PDE4D: variants seen among roughly 807,000 people sequenced by gnomAD.
The protein encoded by PDE4D is 3',5'-cyclic-AMP phosphodiesterase 4D.
Under a neutral mutation model 87.4 loss-of-function variants are expected in PDE4D, and 24 were observed. That is an observed-to-expected ratio of 0.27 (90% CI 0.20 to 0.39). The LOEUF is 0.39. Among genes scored for constraint, PDE4D ranks in the 10% least tolerant of loss-of-function variants. The pLI is 1.00. For missense variants in PDE4D, 714 were observed against 1,041.0 expected (o/e 0.69, Z 4.32); for synonymous variants, 384 against 383.2 (o/e 1.00, Z -0.02).
chr5:59,240,790 A>T (rs1211817471), intron 1 of PDE4D, among the ~76,000 whole-genome samples: 1 of 64,818 alleles, frequency 1.5e-5, no homozygotes, highest in Non-Finnish European at 3.2e-5. Context: ...ACACACACAC[A>T]CACACACACA....
At chr5:59,437,424 C>T (rs1796940406) in intron 1 of PDE4D, among the ~76,000 whole-genome samples, 1 of 152,086 alleles carries the variant, frequency 6.6e-6, no homozygotes, top group African/African-American at 2.4e-5. Flanking sequence ...ACAGTAGGAA[C>T]CAGTGGAAAG....
intron 1 of PDE4D, among the ~76,000 whole-genome samples, chr5:60,422,120 G>T (rs1190220156): frequency 6.6e-6 from 1 of 152,160 alleles, no homozygotes; most frequent in Admixed American, 6.5e-5. Flanking sequence ...AAAACACTCT[G>T]GAGGATATTA....
chr5:59,385,421 T>A (rs1786773488), intron 1 of PDE4D, among the ~76,000 whole-genome samples: 1 of 152,200 alleles, frequency 6.6e-6, no homozygotes, highest in Admixed American at 6.5e-5. Context: ...GAAATGTAAA[T>A]TCCTTCAAAA....
chr5:59,565,602 G>C (rs1820743257), intron 1 of PDE4D, among the ~76,000 whole-genome samples: 1 of 152,238 alleles, frequency 6.6e-6, no homozygotes, highest in Non-Finnish European at 1.5e-5. Flanking sequence ...AGCATCACTG[G>C]GAGGTGTGGG....
At chr5:60,197,034 T>C (rs745546052) in intron 1 of PDE4D, among the ~76,000 whole-genome samples, 4 of 86,778 alleles carry the variant, frequency 4.6e-5, no homozygotes, top group Non-Finnish European at 9.0e-5. Context: ...GATAGATAGA[T>C]AGATAGATAG....
At chr5:60,441,916 C>T (rs1213607545) in intron 1 of PDE4D, among the ~76,000 whole-genome samples, 2 of 151,788 alleles carry the variant, frequency 1.3e-5, no homozygotes, top group Non-Finnish European at 2.9e-5. Context: ...ATTAGAATAG[C>T]AATCATTAAA....
intron 1 of PDE4D, among the ~76,000 whole-genome samples, chr5:59,694,697 G>A (rs566200286): frequency 2.6e-5 from 4 of 152,130 alleles, no homozygotes; most frequent in Non-Finnish European, 5.9e-5. Flanking sequence ...CTGGAAGAGC[G>A]TGGGAGCTGC....
At chr5:59,222,124 G>T (rs1227495187) in intron 1 of PDE4D, among the ~76,000 whole-genome samples, 2 of 152,082 alleles carry the variant, frequency 1.3e-5, no homozygotes, top group African/African-American at 2.4e-5. Context: ...ACAAACTGAC[G>T]AATGAACTAA....
At chr5:59,836,769 AAG>A (rs1421582248) in intron 1 of PDE4D, among the ~76,000 whole-genome samples, 40 of 152,062 alleles carry the variant, frequency 2.6e-4, no homozygotes, top group African/African-American at 9.2e-4. Context: ...TAGAGGGAGA[AAG>A]AACAGGAGAG....
intron 2 of PDE4D, among the ~76,000 whole-genome samples, chr5:59,195,468 T>A (rs1745266505): frequency 6.6e-6 from 1 of 152,066 alleles, no homozygotes; most frequent in Admixed American, 6.5e-5. Flanking sequence ...AACGAGAAGC[T>A]CGGTGATTCT....
At chr5:59,007,767 G>T (rs1274553561) in intron 6 of PDE4D, among the ~76,000 whole-genome samples, 2 of 151,958 alleles carry the variant, frequency 1.3e-5, no homozygotes, top group African/African-American at 4.8e-5. Flanking sequence ...ACTCCAGGCT[G>T]CTTTTTTAAA....
intron 1 of PDE4D, among the ~76,000 whole-genome samples, chr5:59,687,838 GAC>G (rs1467933429): frequency 6.6e-6 from 1 of 152,044 alleles, no homozygotes; most frequent in Non-Finnish European, 1.5e-5. Flanking sequence ...CACGTGCAGA[GAC>G]ACACACAGGC....
At chr5:60,175,959 C>T (rs1783867273) in intron 2 of PDE4D, among the ~76,000 whole-genome samples, 1 of 152,160 alleles carries the variant, frequency 6.6e-6, no homozygotes, top group African/African-American at 2.4e-5. Flanking sequence ...CAATGGGTTT[C>T]CTCCAGTTCC....
At chr5:59,888,395 C>A (rs559932229) in intron 1 of PDE4D, among the ~76,000 whole-genome samples, 122 of 152,282 alleles carry the variant, frequency 8.0e-4, no homozygotes, top group Non-Finnish European at 1.4e-3. Context: ...GCTTAGAACA[C>A]ACTAGCTGAT....
At chr5:60,284,890 T>A (rs577487171) in intron 1 of PDE4D, among the ~76,000 whole-genome samples, 1 of 145,976 alleles carries the variant, frequency 6.9e-6, no homozygotes, top group African/African-American at 2.7e-5. Flanking sequence ...AGTTGGCTAC[T>A]CTTTTGATGT....
chr5:59,492,139 C>T (rs773095183), intron 1 of PDE4D, among the ~76,000 whole-genome samples: 3 of 152,162 alleles, frequency 2.0e-5, no homozygotes, highest in Non-Finnish European at 2.9e-5. Flanking sequence ...ATCTGGCTTA[C>T]GGCATGTTGC....
chr5:59,478,755 G>A (rs962631488), intron 1 of PDE4D, among the ~76,000 whole-genome samples: 1 of 151,886 alleles, frequency 6.6e-6, no homozygotes, highest in Non-Finnish European at 1.5e-5. Flanking sequence ...AATAACTGAG[G>A]ATTATGGAAG....
intron 1 of PDE4D, among the ~76,000 whole-genome samples, chr5:59,814,814 T>C (rs1023112500): frequency 6.6e-5 from 10 of 151,922 alleles, no homozygotes; most frequent in African/African-American, 2.4e-4. Flanking sequence ...AGTTCAAAGC[T>C]GAAAATGTGG....
chr5:59,989,859 C>T lies in PDE4D; in HGVS notation c.43-1142G>A, dbSNP rs1582069504. Among the ~76,000 whole-genome samples the T allele has an allele frequency of 2.0e-5, 3 of 152,150 alleles. No individual in the cohort carries two copies. In the South Asian group the frequency reaches 6.2e-4, roughly 32 times the overall value. On this transcript the variant is annotated intron_variant, in intron 2 of 16. Coordinates refer to the PDE4D transcript ENST00000502484. The stretch of plus-strand genomic sequence containing the variant: ...AGAGTGTTGGGTTTTTGAATCTTTG[C>T]ACTGCCACTTTACTATTTGTATTGA...
Sources: allele counts gnomAD v4.1 joint callset (sites outside exome capture counted in the v4.1 genomes callset), GRCh38; gene constraint gnomAD v4.1.1; transcripts MANE v1.5; gene names NCBI Gene and HGNC (gene_info 2026-07-23, HGNC 2026-07-21).